The following C8orf89 variants were observed in gnomAD, a reference collection of about 807,000 sequenced individuals.
C8orf89 encodes putative uncharacterized protein C8orf89.
In C8orf89, 14 loss-of-function variants were observed where a neutral mutation model predicts 15.8. The ratio of observed to expected loss-of-function variants is 0.89; its 90% CI spans 0.59 to 1.39. The LOEUF (loss-of-function observed/expected upper bound fraction) is 1.39, where lower values mean the gene tolerates loss of function less well. C8orf89 is among the 40% of genes most tolerant of loss of function. C8orf89 has a pLI of 0.00. For synonymous variants in C8orf89, 55 were observed against 62.2 expected (o/e 0.88, Z 0.54); for missense variants, 181 against 184.5 (o/e 0.98, Z 0.11).
the C8orf89 span, among the ~76,000 whole-genome samples, chr8:73,279,216 T>C: frequency 2.2e-4 from 34 of 152,338 alleles, no homozygotes; most frequent in African/African-American, 8.2e-4. Flanking sequence ...ACATATTCTG[T>C]AATCTTTGCA....
chr8:73,254,552 C>T (rs529723377), intron 2 of C8orf89, among the ~76,000 whole-genome samples: 16 of 152,272 alleles, frequency 1.1e-4, no homozygotes, highest in African/African-American at 3.9e-4. Context: ...AAGGAAGCTG[C>T]TAAACGGGAT....
At chr8:73,260,821 T>G (rs1813511668), upstream of C8orf89, among the ~76,000 whole-genome samples, 1 of 152,150 alleles carries the variant, frequency 6.6e-6, no homozygotes, top group Non-Finnish European at 1.5e-5. Flanking sequence ...GTGAGGGTGT[T>G]GTCAAAAGAG....
intron 3 of C8orf89, 132 bp from the exon 4 acceptor site, chr8:73,241,737 G>T: frequency 1.5e-6 from 1 of 679,764 alleles, no homozygotes; most frequent in South Asian, 5.2e-5. Context: ...TTATACTACA[G>T]AGCTATACTA....
Position 73,259,528 on chromosome 8 carries a change from A to G in C8orf89, c.-70T>C. The stretch of plus-strand genomic sequence containing the variant: ...AGAGACAGGACACAAAATACAAAAA[A>G]AACAAGGCACGTCCGAGACAAGGCA... On this transcript the variant is annotated 5_prime_UTR_variant, in exon 1 of 4. Coordinates refer to ENST00000624510, the MANE Select transcript of C8orf89 (RefSeq NM_001243237.3). 39 of 1,193,250 alleles carry G rather than the reference A, an allele frequency of 3.3e-5. No homozygotes were observed. The highest frequency in any genetic ancestry group is 2.0e-4 in the Middle Eastern group (1 of 4,936). The allele number at this position is 1,193,250 out of a possible 1,614,324, so 73.9% of individuals were successfully genotyped here. A position where few individuals can be genotyped will look rare whatever the true frequency, so the allele number is the denominator to read the frequency against.
the C8orf89 span, among the ~76,000 whole-genome samples, chr8:73,270,461 G>A: frequency 6.6e-6 from 1 of 152,160 alleles, no homozygotes; most frequent in Non-Finnish European, 1.5e-5. Flanking sequence ...ATTTGGGGAG[G>A]TTAAATGGTT....
rs542878487 is a variant in C8orf89 at position 73,242,960 on chromosome 8, A to G, written c.338-1355T>C. Among the ~76,000 whole-genome samples, 11 of 152,146 alleles carry G rather than the reference A, an allele frequency of 7.2e-5. No homozygotes were observed. The South Asian group carries it at 1.9e-3, about 26-fold the overall frequency. On this transcript the variant is annotated intron_variant, in intron 3 of 3. Transcript: ENST00000624510. The stretch of plus-strand genomic sequence containing the variant: ...AAAATGTGGTACATATACACAATGG[A>G]GTACTATTCAGCCATAAAAAAATGA...
At chr8:73,251,587 C>T (rs1272699199) in intron 2 of C8orf89, among the ~76,000 whole-genome samples, 1 of 152,072 alleles carries the variant, frequency 6.6e-6, no homozygotes, top group Non-Finnish European at 1.5e-5. Flanking sequence ...CCTTCATTGA[C>T]CTAAGTAAAT....
At chr8:73,252,183 A>G (rs1813265852) in intron 2 of C8orf89, among the ~76,000 whole-genome samples, 2 of 152,252 alleles carry the variant, frequency 1.3e-5, no homozygotes, top group African/African-American at 4.8e-5. Flanking sequence ...ATTAAAAATG[A>G]TGACAAAAGC....
At chr8:73,270,323 G>A in the C8orf89 span, among the ~76,000 whole-genome samples, 5 of 152,220 alleles carry the variant, frequency 3.3e-5, no homozygotes, top group African/African-American at 7.2e-5. Flanking sequence ...TCAGGTCTAC[G>A]TATCTGTATA....
chr8:73,251,998 G>A (rs1813261457), intron 2 of C8orf89, among the ~76,000 whole-genome samples: 1 of 152,052 alleles, frequency 6.6e-6, no homozygotes, highest in Admixed American at 6.6e-5. Flanking sequence ...TGTTTCAAAC[G>A]GTCCCTCTTT....
the C8orf89 span, among the ~76,000 whole-genome samples, chr8:73,266,879 G>A: frequency 1.3e-5 from 2 of 151,910 alleles, no homozygotes; most frequent in African/African-American, 2.4e-5. Flanking sequence ...AGAAGTAGCT[G>A]ATTCCAGGTC....
chr8:73,273,809 A>G, the C8orf89 span, among the ~76,000 whole-genome samples: 2 of 151,566 alleles, frequency 1.3e-5, no homozygotes, highest in East Asian at 3.9e-4. Flanking sequence ...AGATTGATAC[A>G]TAAGATGGTC....
chr8:73,241,833 T>C (rs1362134674), intron 3 of C8orf89, among the ~76,000 whole-genome samples: 1 of 152,070 alleles, frequency 6.6e-6, no homozygotes, highest in East Asian at 1.9e-4. Flanking sequence ...ACATCTATAG[T>C]GGATTCATTT....
chr8:73,261,921 T>C (rs559724417), upstream of C8orf89, among the ~76,000 whole-genome samples: 1 of 152,204 alleles, frequency 6.6e-6, no homozygotes, highest in African/African-American at 2.4e-5. Context: ...GCCACCACCC[T>C]CTCTATTCTT....
At position 73,250,342 on chromosome 8, in the gene C8orf89, C is replaced by G. The variant is rs1207831519; in HGVS notation, c.282-19G>C. 7.0e-7 allele frequency: 1 copy of G among 1,422,776 alleles called. No individual in the cohort carries two copies. Among genetic ancestry groups the G allele is most frequent in the Non-Finnish European group, 9.5e-7 (1 of 1,048,024 alleles). 88.1% of individuals were successfully genotyped at this position (1,422,776 alleles called of 1,614,324 possible). A position where few individuals can be genotyped will look rare whatever the true frequency, so the allele number is the denominator to read the frequency against. ...CTTTAGCCTGAATATTATATATTAT[C>G]ATAAAATTACTTACATATAAATTCA... On this transcript the variant is annotated intron_variant, in intron 2 of 3. Transcript: ENST00000624510.
At chr8:73,256,852 T>TAAA (rs34481187) in intron 2 of C8orf89, 121 bp downstream of exon 2, 172 of 461,080 alleles carry the variant, frequency 3.7e-4, no homozygotes, top group Non-Finnish European at 4.7e-4. Flanking sequence ...ATCCTTTATG[T>TAAA]AAAAAAAAAA....
At chr8:73,280,642 G>C in the C8orf89 span, among the ~76,000 whole-genome samples, 1 of 151,846 alleles carries the variant, frequency 6.6e-6, no homozygotes, top group African/African-American at 2.4e-5. Flanking sequence ...CTAAAGTTCT[G>C]GGGTTACAGG....
intron 3 of C8orf89, among the ~76,000 whole-genome samples, chr8:73,242,904 G>T (rs1341183547): frequency 6.6e-6 from 1 of 152,212 alleles, no homozygotes; most frequent in Non-Finnish European, 1.5e-5. Context: ...GGAAGTAACT[G>T]AAGTGTCCAT....
the C8orf89 span, among the ~76,000 whole-genome samples, chr8:73,285,827 G>A: frequency 6.6e-6 from 1 of 152,322 alleles, no homozygotes; most frequent in African/African-American, 2.4e-5. Context: ...GATGCAGGTG[G>A]CCGCGAGCTC....
Sources: gnomAD v4.1 joint callset for allele counts (sites outside exome capture counted in the v4.1 genomes callset) on GRCh38, gnomAD v4.1.1 for gene constraint, MANE v1.5 for transcripts, NCBI Gene and HGNC (gene_info 2026-07-23, HGNC 2026-07-21) for gene names.